Variants in YEATS2 observed in about 807,000 individuals in gnomAD.
YEATS2 encodes the protein YEATS domain containing 2, also known as YEATS domain-containing protein 2.
YEATS2 carries 77 observed loss-of-function variants against 163.2 expected under a neutral mutation model. That is an observed-to-expected ratio of 0.47 (90% confidence interval 0.39 to 0.57). YEATS2 has a LOEUF of 0.57. YEATS2 is among the 20% of genes least tolerant of loss of function. YEATS2 has a pLI of 0.00. For missense variants in YEATS2, 1,549 were observed against 1,729.8 expected (o/e 0.90, Z 1.85); for synonymous variants, 631 against 645.1 (o/e 0.98, Z 0.33).
intron 7 of YEATS2, 61 bp downstream of exon 7, chr3:183,728,912 A>T: frequency 6.8e-7 from 1 of 1,475,286 alleles, no homozygotes; most frequent in Non-Finnish European, 9.2e-7. Context: ...GAAGTGGAAG[A>T]AAAGTGATTT....
rs139986438 is a variant in YEATS2 at position 183,765,017 on chromosome 3, G to A, written c.1947+2738G>A. 4.6e-3 allele frequency among the ~76,000 whole-genome samples: 701 copies of A among 152,250 alleles called. 7 individuals are homozygous for A. Among genetic ancestry groups the A allele is most frequent in the African/African-American group, 0.016 (665 of 41,546 alleles). On this transcript the variant is annotated intron_variant, in intron 15 of 30. Transcript: ENST00000305135. ...TTCTGCTGATTCATCTACTTAGGCA[G>A]CAGATTTAGGAATCATGGTGCTACA...
chr3:183,707,434 C>G (rs1283974880), intron 1 of YEATS2, among the ~76,000 whole-genome samples: 2 of 152,144 alleles, frequency 1.3e-5, no homozygotes, highest in African/African-American at 4.8e-5. Context: ...TCGTCCATTC[C>G]TCTGGTTTGG....
chr3:183,698,372 G>T (rs1350400952), intron 1 of YEATS2, among the ~76,000 whole-genome samples: 1 of 152,194 alleles, frequency 6.6e-6, no homozygotes, highest in Non-Finnish European at 1.5e-5. Context: ...ATCCTGGAAT[G>T]CCCCTCCAAC....
intron 15 of YEATS2, among the ~76,000 whole-genome samples, chr3:183,768,369 G>T (rs1185340830): frequency 6.6e-6 from 1 of 152,192 alleles, no homozygotes; most frequent in African/African-American, 2.4e-5. Flanking sequence ...AAAGCAAATG[G>T]CCACGCCTAG....
intron 8 of YEATS2, among the ~76,000 whole-genome samples, chr3:183,742,404 TG>T (rs1462072667): frequency 6.6e-6 from 1 of 152,182 alleles, no homozygotes; most frequent in Non-Finnish European, 1.5e-5. Context: ...AACAGGAGTT[TG>T]GAAGAAGTTG....
At chr3:183,716,596 T>C (rs1465378508) in intron 2 of YEATS2, among the ~76,000 whole-genome samples, 1 of 152,172 alleles carries the variant, frequency 6.6e-6, no homozygotes, top group African/African-American at 2.4e-5. Context: ...GCCAAATAAA[T>C]GTTAGAGTGT....
At chr3:183,714,454 C>G (rs1000202305) in intron 1 of YEATS2, among the ~76,000 whole-genome samples, 2 of 151,924 alleles carry the variant, frequency 1.3e-5, no homozygotes, top group African/African-American at 2.4e-5. Flanking sequence ...CCTCGGCCTC[C>G]CAAAGTGCTG....
intron 1 of YEATS2, among the ~76,000 whole-genome samples, chr3:183,707,895 C>T (rs1332139723): frequency 6.6e-6 from 1 of 151,726 alleles, no homozygotes; most frequent in Admixed American, 6.6e-5. Context: ...AGGCCGGTCT[C>T]GAACTCCTGA....
At chr3:183,716,855 A>G (rs998604125) in intron 2 of YEATS2, among the ~76,000 whole-genome samples, 10 of 151,312 alleles carry the variant, frequency 6.6e-5, no homozygotes, top group African/African-American at 2.4e-4. Context: ...ATTTTTCTCA[A>G]AGTAGATTTG....
intron 1 of YEATS2, among the ~76,000 whole-genome samples, chr3:183,701,581 A>G (rs1714098237): frequency 6.6e-6 from 1 of 151,772 alleles, no homozygotes; most frequent in African/African-American, 2.4e-5. Context: ...TTCAGTAGAG[A>G]CAAGGTCTCC....
chr3:183,732,696 A>T (rs149444298), intron 7 of YEATS2, among the ~76,000 whole-genome samples: 2,777 of 151,542 alleles, frequency 0.018, 83 homozygotes, highest in African/African-American at 0.064. Flanking sequence ...AGTAACTGGG[A>T]CTACAGGCGC....
intron 1 of YEATS2, among the ~76,000 whole-genome samples, chr3:183,710,006 A>G (rs114426349): frequency 0.012 from 1,831 of 152,264 alleles, 36 homozygotes; most frequent in African/African-American, 0.042. Context: ...AATTGGAGAA[A>G]TGGATGACAG....
intron 13 of YEATS2, among the ~76,000 whole-genome samples, chr3:183,760,316 T>G (rs1048931513): frequency 0.34 from 44,305 of 129,026 alleles, 6,590 homozygotes; most frequent in East Asian, 0.53. Flanking sequence ...CTACAGAATT[T>G]TTTTTTTTTT....
intron 17 of YEATS2, 52 bp from the exon 18 acceptor site, chr3:183,775,863 A>T (rs2108403767): frequency 6.2e-7 from 1 of 1,608,976 alleles, no homozygotes; most frequent in South Asian, 1.1e-5. Context: ...TTTTATGCTA[A>T]AGCTTTGCTT....
intron 21 of YEATS2, chr3:183,793,352 T>A (rs1415420106): frequency 7.3e-6 from 8 of 1,096,714 alleles, no homozygotes; most frequent in Non-Finnish European, 9.0e-6. Context: ...ATTTTTCTCT[T>A]GATTTCTACC....
At chr3:183,758,717 A>T (rs1560280130) in intron 12 of YEATS2, 145 bp from the exon 13 acceptor site, 1 of 647,648 alleles carries the variant, frequency 1.5e-6, no homozygotes, top group Non-Finnish European at 2.7e-6. Context: ...TTTTTTCCAT[A>T]CTAGTTTCAG....
chr3:183,778,193 G>T (rs1453508123), intron 19 of YEATS2, among the ~76,000 whole-genome samples: 1 of 151,692 alleles, frequency 6.6e-6, no homozygotes, highest in East Asian at 1.9e-4. Context: ...TGAGGTTTGG[G>T]AAAATATAAG....
At chr3:183,705,855 T>A (rs967899683) in intron 1 of YEATS2, among the ~76,000 whole-genome samples, 1 of 151,948 alleles carries the variant, frequency 6.6e-6, no homozygotes, top group African/African-American at 2.4e-5. Context: ...CTGGCTAACA[T>A]GGTGGAACTC....
At chr3:183,716,597 G>T (rs1247451786) in intron 2 of YEATS2, among the ~76,000 whole-genome samples, 1 of 152,112 alleles carries the variant, frequency 6.6e-6, no homozygotes, top group Non-Finnish European at 1.5e-5. Context: ...CCAAATAAAT[G>T]TTAGAGTGTT....
Sources: gnomAD v4.1 joint callset for allele counts (sites outside exome capture counted in the v4.1 genomes callset) on GRCh38, gnomAD v4.1.1 for gene constraint, MANE v1.5 for transcripts, NCBI Gene and HGNC (gene_info 2026-07-23, HGNC 2026-07-21) for gene names.